Variants in RELN observed in about 807,000 individuals in gnomAD.
RELN encodes the protein reelin.
A neutral mutation model predicts 427.6 loss-of-function variants in RELN; 108 were observed. The ratio of observed to expected loss-of-function variants is 0.25; its 90% CI spans 0.22 to 0.30. RELN has a LOEUF of 0.30. Ranked by LOEUF, RELN falls within the 10% of genes least tolerant of loss-of-function variation. The pLI is 1.00. For missense variants in RELN, 3,715 were observed against 4,302.8 expected (o/e 0.86, Z 3.82); for synonymous variants, 1,524 against 1,513.4 (o/e 1.01, Z -0.16).
Position 103,653,269 on chromosome 7 carries a change from T to C in RELN, c.1555-510A>G, listed in dbSNP as rs917680874. The stretch of plus-strand genomic sequence containing the variant: ...GGCATGAAGATGACCACGGCAGGTA[T>C]AGTTCTACCTTGCCACTGCTGGAAA... On this transcript the variant is annotated intron_variant, in intron 13 of 64. Coordinates refer to ENST00000428762, the MANE Select transcript of RELN (RefSeq NM_005045.4). Among the ~76,000 whole-genome samples the C allele has an allele frequency of 3.3e-5, 5 of 152,098 alleles. No individual in the cohort carries two copies. The East Asian group carries it at 9.7e-4, about 29-fold the overall frequency.
At chr7:103,827,145 G>A (rs954404665) in intron 3 of RELN, among the ~76,000 whole-genome samples, 1 of 151,854 alleles carries the variant, frequency 6.6e-6, no homozygotes, top group Admixed American at 6.6e-5. Context: ...CATAGAAACA[G>A]GTACATCTTT....
chr7:103,880,753 C>T (rs1456440856), intron 2 of RELN, among the ~76,000 whole-genome samples: 1 of 152,126 alleles, frequency 6.6e-6, no homozygotes, highest in African/African-American at 2.4e-5. Context: ...GTGGCAGTGG[C>T]ACAATCACGG....
intron 25 of RELN, among the ~76,000 whole-genome samples, chr7:103,596,032 G>A (rs1268287792): frequency 6.6e-6 from 1 of 152,110 alleles, no homozygotes; most frequent in Non-Finnish European, 1.5e-5. Flanking sequence ...ACACTGTTTA[G>A]GGATAGCCCT....
intron 42 of RELN, among the ~76,000 whole-genome samples, chr7:103,543,128 C>T (rs1379646793): frequency 6.6e-6 from 1 of 152,106 alleles, no homozygotes; most frequent in East Asian, 1.9e-4. Context: ...TATGGTCCAG[C>T]TAGATGGATC....
intron 2 of RELN, among the ~76,000 whole-genome samples, chr7:103,875,106 G>A (rs1478301629): frequency 6.9e-6 from 1 of 145,700 alleles, no homozygotes; most frequent in African/African-American, 2.5e-5. Context: ...AAGCAATGGG[G>A]AAAGGATTCC....
intron 4 of RELN, among the ~76,000 whole-genome samples, chr7:103,766,088 G>A (rs573045362): frequency 6.6e-6 from 1 of 152,294 alleles, no homozygotes; most frequent in Non-Finnish European, 1.5e-5. Context: ...AGCCCCAGGA[G>A]GGCTTTAGTG....
Position 103,496,858 on chromosome 7 carries a change from C to T in RELN, c.8951-90G>A. ...AGTATACTTCAGATACTGTGAACTT[C>T]CCAAAGAAATTTTCAGCCAGGAAAT... On this transcript the variant is annotated intron_variant, in intron 55 of 64. Transcript: ENST00000428762. 9 of 1,477,818 alleles carry T rather than the reference C, an allele frequency of 6.1e-6. No individual in the cohort carries two copies. In the East Asian group the frequency reaches 6.8e-5, roughly 11 times the overall value. The allele number at this position is 1,477,818 out of a possible 1,614,324, so 91.5% of individuals were successfully genotyped here.
intron 42 of RELN, among the ~76,000 whole-genome samples, chr7:103,544,641 T>G (rs188593928): frequency 3.3e-5 from 5 of 152,362 alleles, no homozygotes; most frequent in African/African-American, 1.2e-4. Context: ...TTTAAATGCT[T>G]TTTTCTAATC....
intron 4 of RELN, among the ~76,000 whole-genome samples, chr7:103,766,917 C>T (rs1791437983): frequency 6.6e-6 from 1 of 152,246 alleles, no homozygotes; most frequent in South Asian, 2.1e-4. Flanking sequence ...TCCATCAACA[C>T]AACAACAGAG....
chr7:103,740,878 C>T (rs193144033), intron 6 of RELN, among the ~76,000 whole-genome samples: 2 of 151,452 alleles, frequency 1.3e-5, no homozygotes, highest in South Asian at 4.1e-4. Flanking sequence ...AAAATATGCT[C>T]TTATAAGTAG....
At chr7:103,740,243 A>T (rs1045752480) in intron 6 of RELN, among the ~76,000 whole-genome samples, 5 of 152,250 alleles carry the variant, frequency 3.3e-5, no homozygotes, top group Admixed American at 3.3e-4. Context: ...TGGAAGAATA[A>T]AGAAAGTTTT....
chr7:103,652,680 T>C lies in RELN; in HGVS notation c.1634A>G (p.His545Arg), dbSNP rs1832946238. The C allele has an allele frequency of 2.5e-6, 4 of 1,612,884 alleles. No individual in the cohort carries two copies. Among genetic ancestry groups the C allele is most frequent in the African/African-American group, 1.3e-5 (1 of 74,832 alleles). The part of the protein sequence containing the change: ...ATKFCLRQKN[H>R]QGHNRNVWAV... ...CCAGACATTCCTATTATGTCCTTGA[T>C]GGTTCTTTTGCCTGAGACAAAATTT... The change falls in exon 14 of 65, where the codon CAT (histidine) becomes CGT (arginine). Residue 545 changes from histidine (H) to arginine (R), a missense_variant. By Grantham distance (29) the His-to-Arg change is conservative. This residue lies in a region of RELN where 2,208 missense variants were observed against 2,361.7 expected (regional missense o/e 0.93). Transcript: ENST00000428762.
At chr7:103,486,051 T>G in intron 61 of RELN, 146 bp downstream of exon 61, 4 of 753,510 alleles carry the variant, frequency 5.3e-6, no homozygotes, top group South Asian at 4.6e-5. Context: ...ACATATATGC[T>G]TCCTTGTCCC....
chr7:103,692,597 T>C (rs1241181879), intron 10 of RELN, among the ~76,000 whole-genome samples: 1 of 152,026 alleles, frequency 6.6e-6, no homozygotes, highest in African/African-American at 2.4e-5. Flanking sequence ...AATCTGGAGC[T>C]TGCATTATCA....
In RELN at chr7:103,988,063, T is replaced by G. The variant is rs1171477410; in HGVS notation, c.226+1068A>C. ...GCCATGCCAATGATTGTTAGCCTAT[T>G]AGAGATAGAAACTATTAACAGGAGC... On this transcript the variant is annotated intron_variant, in intron 1 of 64. Transcript: ENST00000428762. This position sits in a 1 kb window ranked among gnomAD's most constrained non-coding sequence, Gnocchi z 4.9. Among the ~76,000 whole-genome samples the G allele has an allele frequency of 6.6e-6, 1 of 152,192 alleles. No homozygotes were observed. Among genetic ancestry groups the G allele is most frequent in the African/African-American group, 2.4e-5 (1 of 41,442 alleles).
intron 16 of RELN, among the ~76,000 whole-genome samples, chr7:103,641,878 G>A (rs1439211575): frequency 6.6e-6 from 1 of 152,114 alleles, no homozygotes; most frequent in Non-Finnish European, 1.5e-5. Flanking sequence ...TTTTATGGCT[G>A]AAGGAAGATA....
intron 1 of RELN, among the ~76,000 whole-genome samples, chr7:103,936,809 T>C (rs1795998165): frequency 1.3e-5 from 2 of 152,036 alleles, no homozygotes; most frequent in South Asian, 4.1e-4. Context: ...TATGCAATCA[T>C]AGCAGATAAG....
chr7:103,865,313 T>A (rs536850635), intron 2 of RELN, among the ~76,000 whole-genome samples: 111 of 152,138 alleles, frequency 7.3e-4, no homozygotes, highest in African/African-American at 2.6e-3. Context: ...CACTGGTGAA[T>A]TCTACCAAAC....
intron 3 of RELN, among the ~76,000 whole-genome samples, chr7:103,822,398 T>C (rs1267594942): frequency 6.6e-6 from 1 of 151,972 alleles, no homozygotes; most frequent in African/African-American, 2.4e-5. Context: ...TAACTGCAAA[T>C]CAAAAATTCA....
Sources: allele counts gnomAD v4.1 joint callset (sites outside exome capture counted in the v4.1 genomes callset), GRCh38; gene constraint gnomAD v4.1.1; regional missense constraint gnomAD v4.1.1; non-coding constraint Gnocchi (gnomAD v3.1); transcripts MANE v1.5; gene names NCBI Gene and HGNC (gene_info 2026-07-23, HGNC 2026-07-21).